The following SYT16 variants were observed in gnomAD, a reference collection of about 807,000 sequenced individuals.
SYT16 encodes the protein synaptotagmin 16, also known as synaptotagmin-16.
SYT16 carries 42 observed loss-of-function variants against 61.4 expected under a neutral mutation model. The ratio of observed to expected loss-of-function variants is 0.68; its 90% CI spans 0.53 to 0.89. The LOEUF (loss-of-function observed/expected upper bound fraction) is 0.89. SYT16 is among the 40% of genes least tolerant of loss of function. SYT16 has a pLI of 0.00. For synonymous variants in SYT16, 314 were observed against 302.3 expected (o/e 1.04, Z -0.40); for missense variants, 804 against 807.3 (o/e 1.00, Z 0.05).
intron 1 of SYT16, among the ~76,000 whole-genome samples, chr14:61,923,573 T>C (rs1189094137): frequency 6.6e-6 from 1 of 152,158 alleles, no homozygotes; most frequent in East Asian, 1.9e-4. Flanking sequence ...AGCGGAAACA[T>C]TTCAAGCTGT....
chr14:61,948,413 T>TAA (rs769475499), intron 1 of SYT16, among the ~76,000 whole-genome samples: 1 of 131,830 alleles, frequency 7.6e-6, no homozygotes, highest in Non-Finnish European at 1.7e-5. Flanking sequence ...TTTAAAAAAC[T>TAA]AAAAAAAAAA....
At chr14:61,836,499 C>T (rs1330086482) in intron 1 of SYT16, among the ~76,000 whole-genome samples, 1 of 152,186 alleles carries the variant, frequency 6.6e-6, no homozygotes, top group African/African-American at 2.4e-5. Context: ...ATTAAATGTG[C>T]ACCTTCTGAA....
chr14:62,058,877 A>G (rs1234489342), intron 3 of SYT16, among the ~76,000 whole-genome samples: 1 of 152,186 alleles, frequency 6.6e-6, no homozygotes, highest in Non-Finnish European at 1.5e-5. Flanking sequence ...GCACCGTGGA[A>G]TATTATGCAG....
intron 3 of SYT16, among the ~76,000 whole-genome samples, chr14:61,997,385 G>A (rs554236082): frequency 2.8e-4 from 42 of 152,150 alleles, no homozygotes; most frequent in African/African-American, 9.9e-4. Context: ...TAAAGACAAA[G>A]TTATTCAATG....
At chr14:62,001,441 A>T (rs983888474) in intron 3 of SYT16, among the ~76,000 whole-genome samples, 1 of 152,044 alleles carries the variant, frequency 6.6e-6, no homozygotes, top group Non-Finnish European at 1.5e-5. Context: ...TTGCTATAAT[A>T]CTTTCATTTA....
At position 61,817,409 on chromosome 14, in the gene SYT16, A is replaced by G. The variant is rs1273208716; in HGVS notation, c.-325+4599A>G. Among the ~76,000 whole-genome samples, 3 of 147,080 alleles carry G rather than the reference A, an allele frequency of 2.0e-5. No homozygotes were observed. In the East Asian group the frequency reaches 6.0e-4, roughly 29 times the overall value. On this transcript the variant is annotated intron_variant, in intron 1 of 7. Transcript: ENST00000683842. Reference sequence around the variant, plus strand: ...CTGCAGCCTGGGCAACAAGAGCAAAACTCCATCTCCAAAAAAAAAAAAAAA... The same window carrying G: ...CTGCAGCCTGGGCAACAAGAGCAAAGCTCCATCTCCAAAAAAAAAAAAAAA...
At position 61,858,897 on chromosome 14, in the gene SYT16, C is replaced by T. The variant is rs186192807; in HGVS notation, c.-325+46087C>T. On this transcript the variant is annotated intron_variant, in intron 1 of 7. Coordinates refer to ENST00000683842, the MANE Select transcript of SYT16 (RefSeq NM_001367656.1). ...TGAGACGGAGTCTCACTCTGTTGCC[C>T]AGGCTGGAGTGCGGCTGTGCGATCT... 2.3e-4 allele frequency among the ~76,000 whole-genome samples: 35 copies of T among 150,446 alleles called. No homozygotes were observed. The East Asian group carries it at 6.8e-3, about 29-fold the overall frequency.
chr14:62,106,414 G>C lies in SYT16; in HGVS notation c.*5707G>C, dbSNP rs2057514107. 1 of 152,158 alleles carries C rather than the reference G, an allele frequency of 6.6e-6. No homozygotes were observed. 9.4% of individuals were successfully genotyped at this position (152,158 alleles called of 1,614,324 possible). A position where few individuals can be genotyped will look rare whatever the true frequency, so the allele number is the denominator to read the frequency against. Reference sequence around the variant, plus strand: ...CTTGGTTGCATTATATGGGAAATTGGTGGGGATGGGGGTGTCATAGAATCA... The same window carrying C: ...CTTGGTTGCATTATATGGGAAATTGCTGGGGATGGGGGTGTCATAGAATCA... On this transcript the variant is annotated 3_prime_UTR_variant, in exon 8 of 8. Transcript: ENST00000683842.
intron 1 of SYT16, among the ~76,000 whole-genome samples, chr14:61,835,575 T>TA (rs1349655467): frequency 1.3e-5 from 2 of 151,996 alleles, no homozygotes; most frequent in Admixed American, 6.5e-5. Context: ...TTTTTTTTTT[T>TA]ATGATTGATT....
intron 1 of SYT16, among the ~76,000 whole-genome samples, chr14:61,847,847 A>G (rs1159336209): frequency 6.6e-6 from 1 of 152,136 alleles, no homozygotes; most frequent in African/African-American, 2.4e-5. Flanking sequence ...AAGAGACTCT[A>G]ATGCATTCTT....
At chr14:61,860,239 C>G (rs945993108) in intron 1 of SYT16, among the ~76,000 whole-genome samples, 1 of 152,208 alleles carries the variant, frequency 6.6e-6, no homozygotes, top group African/African-American at 2.4e-5. Flanking sequence ...CAACAACAAA[C>G]CATTCTAGCC....
intron 3 of SYT16, among the ~76,000 whole-genome samples, chr14:62,037,111 A>C (rs1006359806): frequency 2.0e-5 from 3 of 152,096 alleles, no homozygotes; most frequent in African/African-American, 7.2e-5. Context: ...TTTCTTAGAC[A>C]CTTTTGCCTC....
intron 1 of SYT16, among the ~76,000 whole-genome samples, chr14:61,913,556 A>G (rs933794108): frequency 1.3e-5 from 2 of 152,190 alleles, no homozygotes; most frequent in African/African-American, 2.4e-5. Flanking sequence ...TGTCTTTTCC[A>G]TATTTTGAAG....
intron 1 of SYT16, among the ~76,000 whole-genome samples, chr14:61,834,162 C>T (rs2046046059): frequency 6.6e-6 from 1 of 151,800 alleles, no homozygotes. Flanking sequence ...ATGGAGTCTC[C>T]CACTGTCGCC....
intron 7 of SYT16, among the ~76,000 whole-genome samples, chr14:62,090,913 C>T (rs966621403): frequency 6.6e-6 from 1 of 152,150 alleles, no homozygotes; most frequent in Admixed American, 6.5e-5. Context: ...AGGGAACCTC[C>T]TCTTTATAAA....
chr14:61,836,266 C>G (rs2046126247), intron 1 of SYT16, among the ~76,000 whole-genome samples: 1 of 152,170 alleles, frequency 6.6e-6, no homozygotes, highest in Non-Finnish European at 1.5e-5. Flanking sequence ...TGTGCCTGCA[C>G]CTGCGTGTGT....
intron 1 of SYT16, among the ~76,000 whole-genome samples, chr14:61,890,394 A>T (rs1302534176): frequency 6.6e-6 from 1 of 151,964 alleles, no homozygotes; most frequent in Non-Finnish European, 1.5e-5. Flanking sequence ...ACAAGGATTC[A>T]GGTTCACTGA....
intron 3 of SYT16, among the ~76,000 whole-genome samples, chr14:62,003,972 G>C (rs146638461): frequency 6.6e-6 from 1 of 152,136 alleles, no homozygotes; most frequent in African/African-American, 2.4e-5. Flanking sequence ...ATGTGAACAA[G>C]CCTGACATTT....
chr14:61,960,510 C>T (rs954219719), intron 1 of SYT16, among the ~76,000 whole-genome samples: 2 of 152,020 alleles, frequency 1.3e-5, no homozygotes, highest in African/African-American at 4.8e-5. Flanking sequence ...TTGGATATTA[C>T]TTGTGTATAG....
Sources: gnomAD v4.1 joint callset for allele counts (sites outside exome capture counted in the v4.1 genomes callset) on GRCh38, gnomAD v4.1.1 for gene constraint, MANE v1.5 for transcripts, NCBI Gene and HGNC (gene_info 2026-07-23, HGNC 2026-07-21) for gene names.